Variants in ST8SIA6 observed in about 807,000 individuals in gnomAD.
The protein encoded by ST8SIA6 is ST8 alpha-N-acetyl-neuraminide alpha-2,8-sialyltransferase 6, also known as alpha-2,8-sialyltransferase 8F.
Under a neutral mutation model 33.6 loss-of-function variants are expected in ST8SIA6, and 39 were observed. The observed-to-expected ratio is 1.16, with a 90% CI of 0.90 to 1.52. The LOEUF is 1.52. Ranked by LOEUF, ST8SIA6 falls within the 40% of genes most tolerant of loss-of-function variation. ST8SIA6 has a pLI of 0.00. For missense variants in ST8SIA6, 441 were observed against 443.8 expected, an observed-to-expected ratio of 0.99 and a Z score of 0.06; for synonymous variants, 172 against 167.2, an observed-to-expected ratio of 1.03 and a Z score of -0.22.
chr10:17,354,922 C>A (rs1849146541), intron 4 of ST8SIA6, among the ~76,000 whole-genome samples: 1 of 152,168 alleles, frequency 6.6e-6, no homozygotes, highest in African/African-American at 2.4e-5. Flanking sequence ...CTAGTTAAGC[C>A]TTTCATGTTT....
intron 4 of ST8SIA6, among the ~76,000 whole-genome samples, chr10:17,356,181 AT>A (rs1057297320): frequency 2.0e-5 from 3 of 151,072 alleles, no homozygotes; most frequent in Non-Finnish European, 1.5e-5. Flanking sequence ...TTTCTTTAAT[AT>A]TTTTTTTTGT....
At chr10:17,369,633 A>G (rs1383301445) in intron 3 of ST8SIA6, among the ~76,000 whole-genome samples, 4 of 152,060 alleles carry the variant, frequency 2.6e-5, no homozygotes, top group Non-Finnish European at 5.9e-5. Flanking sequence ...TCATTGTTCT[A>G]TCCACTATTG....
chr10:17,319,426 G>A lies in ST8SIA6; in HGVS notation c.*1452C>T, dbSNP rs573499704. Among the ~76,000 whole-genome samples the A allele has an allele frequency of 3.9e-5, 6 of 152,186 alleles. No homozygotes were observed. In the South Asian group the frequency reaches 8.3e-4, roughly 21 times the overall value. Reference sequence around the variant, plus strand: ...GTAGGATTGTTGTAAAATTTCACACGTGCTTTTAGGATGGCAACACAGATG... The same window carrying A: ...GTAGGATTGTTGTAAAATTTCACACATGCTTTTAGGATGGCAACACAGATG... On this transcript the variant is annotated 3_prime_UTR_variant, in exon 8 of 8. Transcript: ENST00000377602.
At chr10:17,323,452 A>G (rs1482408676) in intron 6 of ST8SIA6, among the ~76,000 whole-genome samples, 1 of 124,560 alleles carries the variant, frequency 8.0e-6, no homozygotes, top group Non-Finnish European at 1.6e-5. Flanking sequence ...GCTGGAGTGT[A>G]GTGGTGCTCT....
intron 3 of ST8SIA6, among the ~76,000 whole-genome samples, chr10:17,364,253 A>G (rs1279411592): frequency 1.3e-5 from 2 of 152,096 alleles, no homozygotes; most frequent in Non-Finnish European, 2.9e-5. Context: ...CACTCCCCCT[A>G]TATGTTGTAG....
intron 3 of ST8SIA6, among the ~76,000 whole-genome samples, chr10:17,382,383 G>A (rs943807753): frequency 9.9e-5 from 15 of 151,838 alleles, no homozygotes; most frequent in African/African-American, 2.9e-4. Flanking sequence ...CTCCTGCCTC[G>A]GCCTCCAGAG....
intron 1 of ST8SIA6, 99 bp from the exon 2 acceptor site, chr10:17,453,756 C>A: frequency 1.1e-6 from 1 of 942,388 alleles, no homozygotes. Context: ...GGAGATCTCG[C>A]ACTCCCCGGC....
intron 2 of ST8SIA6, among the ~76,000 whole-genome samples, chr10:17,428,405 C>A (rs1009511427): frequency 1.3e-5 from 2 of 152,236 alleles, no homozygotes; most frequent in South Asian, 2.1e-4. Context: ...ATATATGACC[C>A]TCCATAAATG....
intron 3 of ST8SIA6, among the ~76,000 whole-genome samples, chr10:17,369,808 G>A (rs1849674809): frequency 6.6e-6 from 1 of 151,884 alleles, no homozygotes; most frequent in Non-Finnish European, 1.5e-5. Flanking sequence ...TAACTTTATT[G>A]TTTTAAAAGT....
intron 6 of ST8SIA6, among the ~76,000 whole-genome samples, chr10:17,325,134 A>G (rs769954334): frequency 7.1e-6 from 1 of 141,234 alleles, no homozygotes; most frequent in Non-Finnish European, 1.5e-5. Context: ...GCTATTATAG[A>G]TTTATAAAAT....
chr10:17,337,392 A>G (rs1279707234), intron 4 of ST8SIA6, among the ~76,000 whole-genome samples: 1 of 152,216 alleles, frequency 6.6e-6, no homozygotes, highest in Non-Finnish European at 1.5e-5. Context: ...AGTCCATGGT[A>G]TGGATGTACC....
At position 17,359,602 on chromosome 10, in the gene ST8SIA6, T is replaced by C; in HGVS notation, c.291-2A>G. 2 of 1,579,402 alleles carry C rather than the reference T, an allele frequency of 1.3e-6. No homozygotes were observed. The highest frequency in any genetic ancestry group is 1.7e-6 in the Non-Finnish European group (2 of 1,158,278). Reference sequence around the variant, plus strand: ...TGAAGGTAGTCGTTCTCTGAATACCTAAAAATTAAATGTCAATATAATTAG... The same window carrying C: ...TGAAGGTAGTCGTTCTCTGAATACCCAAAAATTAAATGTCAATATAATTAG... On this transcript the variant is annotated splice_acceptor_variant, in intron 3 of 7. Coordinates refer to ENST00000377602, the MANE Select transcript of ST8SIA6 (RefSeq NM_001004470.3). LOFTEE classifies it high-confidence loss of function.
chr10:17,347,446 A>G (rs894692537), intron 4 of ST8SIA6, among the ~76,000 whole-genome samples: 2 of 152,112 alleles, frequency 1.3e-5, no homozygotes, highest in Non-Finnish European at 2.9e-5. Flanking sequence ...GGAGAGGGCA[A>G]TGATAATAAT....
chr10:17,391,466 GT>G (rs1850610236), intron 2 of ST8SIA6, among the ~76,000 whole-genome samples: 3 of 151,306 alleles, frequency 2.0e-5, no homozygotes, highest in African/African-American at 7.3e-5. Context: ...GTTTCAGCAT[GT>G]TAGCCAGGAT....
intron 2 of ST8SIA6, among the ~76,000 whole-genome samples, chr10:17,431,703 T>G (rs1852107076): frequency 6.7e-6 from 1 of 149,614 alleles, no homozygotes; most frequent in African/African-American, 2.5e-5. Flanking sequence ...GGCAAATCAC[T>G]GCAATTTCTC....
Position 17,325,624 on chromosome 10 carries a change from GT to G in ST8SIA6, c.635+1389del, listed in dbSNP as rs1404250301. Among the ~76,000 whole-genome samples, 3 of 151,860 alleles carry G rather than the reference GT, an allele frequency of 2.0e-5. No homozygotes were observed. In the East Asian group the frequency reaches 5.8e-4, roughly 29 times the overall value. ...AAATCTTTTGAAATGAAAAATAAAAGTTTGTTTTCTGAACTGTCAACCTGAA... is the reference window on the plus strand; with the variant it reads ...AAATCTTTTGAAATGAAAAATAAAAGTTGTTTTCTGAACTGTCAACCTGAA... On this transcript the variant is annotated intron_variant, in intron 6 of 7. Transcript: ENST00000377602.
rs77106107 is a variant in ST8SIA6 at position 17,431,346 on chromosome 10, C to T, written c.200+22213G>A. ...AACATTTATATAAAAGAAATTTCTT[C>T]ACAGTGCTGTTTTAAAAGTATTTTA... On this transcript the variant is annotated intron_variant, in intron 2 of 7. Transcript: ENST00000377602. Among the ~76,000 whole-genome samples the T allele has an allele frequency of 7.8e-3, 1,186 of 152,220 alleles. 9 individuals are homozygous for T. The highest frequency in any genetic ancestry group is 0.027 in the African/African-American group (1,129 of 41,522).
rs183151551 is a variant in ST8SIA6, at chr10:17,388,473, T to G, written c.290+2058A>C. Among the ~76,000 whole-genome samples, 14 of 152,276 alleles carry G rather than the reference T, an allele frequency of 9.2e-5. No homozygotes were observed. In the Middle Eastern group the frequency reaches 0.014, roughly 148 times the overall value. ...AAGGAATGGATTAGAGGCAGCTGTA[T>G]AAACACTATTTCTAACATTAAAAGA... On this transcript the variant is annotated intron_variant, in intron 3 of 7. Coordinates refer to ENST00000377602, the MANE Select transcript of ST8SIA6 (RefSeq NM_001004470.3).
rs1242334668 is a variant in ST8SIA6 at position 17,320,276 on chromosome 10, G to C, written c.*602C>G. ...TGTAGACATAAGAGGAAAATAAATG[G>C]CTTAAATTCAACCAAAATATCATCA... On this transcript the variant is annotated 3_prime_UTR_variant, in exon 8 of 8. Transcript: ENST00000377602. 1 of 152,290 alleles carries C rather than the reference G, an allele frequency of 6.6e-6. No homozygotes were observed. The highest frequency in any genetic ancestry group is 2.4e-5 in the African/African-American group (1 of 41,424). 9.4% of individuals were successfully genotyped at this position (152,290 alleles called of 1,614,324 possible).
Sources: allele counts gnomAD v4.1 joint callset (sites outside exome capture counted in the v4.1 genomes callset), GRCh38; gene constraint gnomAD v4.1.1; transcripts MANE v1.5; gene names NCBI Gene and HGNC (gene_info 2026-07-23, HGNC 2026-07-21).